SPECC1: variants seen among roughly 807,000 people sequenced by gnomAD.
The protein encoded by SPECC1 is cytospin-B.
In SPECC1, 62 loss-of-function variants were observed where a neutral mutation model predicts 104.1. The ratio of observed to expected loss-of-function variants is 0.60; its 90% confidence interval spans 0.49 to 0.74. The LOEUF (loss-of-function observed/expected upper bound fraction) is 0.74, where lower values mean the gene tolerates loss of function less well. Among genes scored for constraint, SPECC1 ranks in the 30% least tolerant of loss-of-function variants. SPECC1 has a pLI of 0.00. For synonymous variants in SPECC1, 513 were observed against 501.6 expected, an observed-to-expected ratio of 1.02 and a Z score of -0.30; for missense variants, 1,306 against 1,310.5, an observed-to-expected ratio of 1.00 and a Z score of 0.05.
intron 3 of SPECC1, chr17:20,111,810 G>GCT (rs1429998603): frequency 6.0e-6 from 5 of 833,766 alleles, no homozygotes; most frequent in Non-Finnish European, 8.4e-6. Context: ...AGGACCCAGG[G>GCT]GGGGGGCAGC....
chr17:20,062,268 A>G (rs2046213871), intron 1 of SPECC1, among the ~76,000 whole-genome samples: 1 of 152,020 alleles, frequency 6.6e-6, no homozygotes, highest in African/African-American at 2.4e-5. Flanking sequence ...AAAAAAAAAA[A>G]AAAATTTTGT....
chr17:20,063,824 G>T (rs535841923), intron 1 of SPECC1, among the ~76,000 whole-genome samples: 1 of 77,840 alleles, frequency 1.3e-5, no homozygotes, highest in Non-Finnish European at 3.4e-5. Flanking sequence ...AGTCAGGCTA[G>T]TAACCCTTCC....
intron 1 of SPECC1, among the ~76,000 whole-genome samples, chr17:20,023,153 C>G (rs1415467316): frequency 6.6e-6 from 1 of 152,126 alleles, no homozygotes; most frequent in African/African-American, 2.4e-5. Context: ...GCCGTGTGTT[C>G]CCTTGGAACT....
chr17:20,280,561 A>G (rs1339706512), intron 12 of SPECC1, among the ~76,000 whole-genome samples: 5 of 152,266 alleles, frequency 3.3e-5, no homozygotes, highest in South Asian at 2.1e-4. Context: ...GCATGTTTGC[A>G]TAAGTGCAAG....
intron 1 of SPECC1, among the ~76,000 whole-genome samples, chr17:20,038,381 A>G (rs1046657184): frequency 7.7e-6 from 1 of 129,822 alleles, no homozygotes; most frequent in Non-Finnish European, 1.7e-5. Context: ...TGCTTTAACT[A>G]TGTCCCACAA....
intron 11 of SPECC1, 66 bp from the exon 12 acceptor site, chr17:20,260,126 C>A: frequency 7.7e-7 from 1 of 1,299,352 alleles, no homozygotes; most frequent in Non-Finnish European, 1.1e-6. Context: ...GTATTTATTT[C>A]TTGTGTATTT....
chr17:20,158,697 C>T (rs1597842269), intron 3 of SPECC1, among the ~76,000 whole-genome samples: 1 of 152,210 alleles, frequency 6.6e-6, no homozygotes, highest in Non-Finnish European at 1.5e-5. Context: ...CCTCGTGGTG[C>T]CAACAGCTGG....
chr17:20,180,160 G>A (rs1567908558), intron 3 of SPECC1, among the ~76,000 whole-genome samples: 1 of 152,162 alleles, frequency 6.6e-6, no homozygotes, highest in Non-Finnish European at 1.5e-5. Flanking sequence ...GAGCACAGAG[G>A]TAAGCAGGCC....
intron 12 of SPECC1, among the ~76,000 whole-genome samples, chr17:20,278,467 T>C (rs2040647767): frequency 6.6e-6 from 1 of 152,168 alleles, no homozygotes; most frequent in Non-Finnish European, 1.5e-5. Flanking sequence ...GCCCACATCC[T>C]CCCTCTTCTG....
intron 3 of SPECC1, among the ~76,000 whole-genome samples, chr17:20,201,761 A>G (rs893072584): frequency 6.6e-6 from 1 of 152,224 alleles, no homozygotes; most frequent in African/African-American, 2.4e-5. Flanking sequence ...AGTGTGTAGT[A>G]TGATGCAGGT....
chr17:20,129,435 A>T (rs771691795), intron 3 of SPECC1, among the ~76,000 whole-genome samples: 13 of 150,550 alleles, frequency 8.6e-5, no homozygotes, highest in African/African-American at 3.2e-4. Flanking sequence ...TGATCTACGC[A>T]CCTCGGCCTC....
chr17:20,181,777 A>T (rs995925944), intron 3 of SPECC1, among the ~76,000 whole-genome samples: 1 of 152,310 alleles, frequency 6.6e-6, no homozygotes, highest in African/African-American at 2.4e-5. Context: ...CAATTCACAA[A>T]TACCATAAAA....
intron 1 of SPECC1, among the ~76,000 whole-genome samples, chr17:20,045,660 C>T (rs2045509903): frequency 1.3e-5 from 2 of 152,192 alleles, no homozygotes; most frequent in African/African-American, 2.4e-5. Flanking sequence ...CTGTATCCCA[C>T]AGAATGTCTA....
intron 3 of SPECC1, chr17:20,111,875 G>T (rs1455057574): frequency 2.5e-6 from 2 of 802,358 alleles, no homozygotes; most frequent in East Asian, 2.4e-5. Flanking sequence ...GGGAAAGGTG[G>T]TTGCTGTATG....
At chr17:20,042,134 A>G (rs2045355042) in intron 1 of SPECC1, among the ~76,000 whole-genome samples, 1 of 152,182 alleles carries the variant, frequency 6.6e-6, no homozygotes, top group Non-Finnish European at 1.5e-5. Flanking sequence ...TTTGAACACC[A>G]TTGTAGTAGA....
intron 1 of SPECC1, among the ~76,000 whole-genome samples, chr17:20,079,398 C>G (rs1334096890): frequency 6.6e-6 from 1 of 152,262 alleles, no homozygotes; most frequent in East Asian, 1.9e-4. Flanking sequence ...CTCCTGTGCT[C>G]AAGAGATCTT....
intron 3 of SPECC1, among the ~76,000 whole-genome samples, chr17:20,189,248 T>G (rs537518565): frequency 2.6e-5 from 4 of 152,194 alleles, no homozygotes; most frequent in African/African-American, 4.8e-5. Context: ...TTTCCCACAG[T>G]GCTGCTGGGA....
chr17:20,254,926 CACTGACAAT>C (rs1290116285), intron 10 of SPECC1, among the ~76,000 whole-genome samples: 2 of 152,124 alleles, frequency 1.3e-5, no homozygotes, highest in Non-Finnish European at 2.9e-5. Flanking sequence ...GTTGGGTAAA[CACTGACAAT>C]TGAGAATTTG....
intron 5 of SPECC1, among the ~76,000 whole-genome samples, chr17:20,231,300 C>T (rs1166447320): frequency 6.6e-6 from 1 of 152,170 alleles, no homozygotes; most frequent in Non-Finnish European, 1.5e-5. Context: ...GTGATTGAGA[C>T]CCATGACTCT....
Sources: allele counts gnomAD v4.1 joint callset (sites outside exome capture counted in the v4.1 genomes callset), GRCh38; gene constraint gnomAD v4.1.1; transcripts MANE v1.5; gene names NCBI Gene and HGNC (gene_info 2026-07-23, HGNC 2026-07-21).